RGSL1: variants seen among roughly 807,000 people sequenced by gnomAD.
The protein encoded by RGSL1 is regulator of G protein signaling like 1.
RGSL1 carries 97 observed loss-of-function variants against 124.7 expected under a neutral mutation model. The observed-to-expected ratio is 0.78, with a 90% confidence interval of 0.66 to 0.92. The LOEUF is 0.92. RGSL1 is among the 40% of genes least tolerant of loss of function. The pLI is 0.00. For synonymous variants in RGSL1, 424 were observed against 438.1 expected (o/e 0.97, Z 0.40); for missense variants, 1,233 against 1,288.4 (o/e 0.96, Z 0.66).
At chr1:182,532,897 AGTC>A in intron 14 of RGSL1, 106 bp downstream of exon 14, 1 of 1,312,734 alleles carries the variant, frequency 7.6e-7, no homozygotes, top group African/African-American at 1.5e-5. Context: ...GGCAGCCTGG[AGTC>A]TAGCAAAAAA....
intron 6 of RGSL1, among the ~76,000 whole-genome samples, chr1:182,486,374 G>C (rs186538774): frequency 6.1e-5 from 9 of 148,676 alleles, no homozygotes; most frequent in African/African-American, 1.7e-4. Flanking sequence ...GCAGTAGCAC[G>C]ATCTTGGTTC....
chr1:182,494,600 T>C (rs140210949), intron 9 of RGSL1, among the ~76,000 whole-genome samples: 178 of 152,324 alleles, frequency 1.2e-3, no homozygotes, highest in Admixed American at 4.3e-3. Flanking sequence ...GGTATAAAGA[T>C]GACAAATTTC....
intron 11 of RGSL1, 33 bp downstream of exon 11, chr1:182,527,805 T>C: frequency 1.3e-6 from 2 of 1,511,618 alleles, no homozygotes; most frequent in South Asian, 1.3e-5. Context: ...GTTTTCTCTC[T>C]CTCTTTAGTG....
intron 9 of RGSL1, among the ~76,000 whole-genome samples, chr1:182,514,363 C>T (rs1657700715): frequency 6.6e-6 from 1 of 152,184 alleles, no homozygotes; most frequent in African/African-American, 2.4e-5. Flanking sequence ...ACTGGTACTG[C>T]TTCTCTTTCA....
chr1:182,479,084 T>G (rs567490920), intron 6 of RGSL1, among the ~76,000 whole-genome samples: 4 of 152,166 alleles, frequency 2.6e-5, no homozygotes, highest in African/African-American at 9.6e-5. Context: ...TTACAAAAAG[T>G]GCTAAAGGAA....
At chr1:182,517,474 G>A (rs994688047) in intron 9 of RGSL1, among the ~76,000 whole-genome samples, 1 of 151,700 alleles carries the variant, frequency 6.6e-6, no homozygotes, top group African/African-American at 2.4e-5. Flanking sequence ...TCTATCCCTT[G>A]CTCTTGCTCG....
At chr1:182,526,394 A>G (rs1055160925) in intron 10 of RGSL1, among the ~76,000 whole-genome samples, 1 of 152,150 alleles carries the variant, frequency 6.6e-6, no homozygotes, top group African/African-American at 2.4e-5. Flanking sequence ...GTGGCCAGGC[A>G]TGGTGGCTCA....
rs960231719 is a variant in RGSL1, at chr1:182,556,028, A to T, written c.3202A>T (p.Lys1068Ter). 2 of 1,551,490 alleles carry T rather than the reference A, an allele frequency of 1.3e-6. No homozygotes were observed. Among genetic ancestry groups the T allele is most frequent in the Non-Finnish European group, 1.7e-6 (2 of 1,146,772 alleles). Reference protein sequence around the residue: ...AMQLHPVQGQKLSYIKKEK With the variant: ...AMQLHPVQGQ ...GGCTGTTTTCTCTCCCTTCAGACAA[A>T]AATTATCCTACATCAAAAAAGAGAA... Residue 1068 changes from lysine to a stop codon, truncating the protein, a stop_gained, in exon 21 of 22, where the codon AAA becomes TAA. Coordinates refer to ENST00000294854, the MANE Select transcript of RGSL1 (RefSeq NM_001137669.2). LOFTEE classifies it high-confidence loss of function.
chr1:182,540,461 C>T (rs1280086146), intron 15 of RGSL1, 40 bp downstream of exon 15: 2 of 1,523,466 alleles, frequency 1.3e-6, no homozygotes, highest in Admixed American at 2.0e-5. Flanking sequence ...CTGAAAATGA[C>T]TTTTCATCCT....
chr1:182,450,061 C>T, upstream of RGSL1: 4 of 1,334,676 alleles, frequency 3.0e-6, no homozygotes, highest in South Asian at 3.8e-5. Flanking sequence ...GAATCTGGAA[C>T]CCCTTAGAGA....
intron 9 of RGSL1, among the ~76,000 whole-genome samples, chr1:182,515,379 G>C (rs1458890705): frequency 6.6e-6 from 1 of 151,988 alleles, no homozygotes; most frequent in African/African-American, 2.4e-5. Context: ...GCCTGGAATC[G>C]AGTTTGGGAC....
At chr1:182,520,038 T>G (rs1658216036) in intron 9 of RGSL1, among the ~76,000 whole-genome samples, 1 of 152,196 alleles carries the variant, frequency 6.6e-6, no homozygotes, top group African/African-American at 2.4e-5. Flanking sequence ...TTTTCCCCCC[T>G]TGGTTTTTGG....
chr1:182,466,539 G>C (rs266516), intron 4 of RGSL1, among the ~76,000 whole-genome samples: 13,049 of 152,036 alleles, frequency 0.086, 760 homozygotes, highest in East Asian at 0.26. Context: ...CGCTTACAAT[G>C]AACAACCTGA....
At chr1:182,488,614 T>C (rs888416366) in intron 7 of RGSL1, 12 of 396,032 alleles carry the variant, frequency 3.0e-5, no homozygotes, top group Non-Finnish European at 4.6e-5. Flanking sequence ...TAGTCCCAGC[T>C]ACTTGGGAGG....
chr1:182,523,334 C>G (rs1051158857), intron 10 of RGSL1, among the ~76,000 whole-genome samples: 1 of 151,964 alleles, frequency 6.6e-6, no homozygotes, highest in Non-Finnish European at 1.5e-5. Flanking sequence ...TGTACCCAGC[C>G]AAGAATGTTT....
In RGSL1 at chr1:182,460,102, G is replaced by C. The variant is rs957843436; in HGVS notation, c.270G>C (p.Glu90Asp). The change falls in exon 4 of 22, where the codon GAG (glutamate) becomes GAC (aspartate). Residue 90 changes from glutamate to aspartate, a missense_variant. Transcript: ENST00000294854. The part of the protein sequence containing the change: ...NLCFHYILCQ[E>D]FISFIKSPEG... The stretch of plus-strand genomic sequence containing the variant: ...GTTTCCATTACATTCTCTGTCAGGA[G>C]TTCATCAGTTTCATTAAGTCCCCAG... 2 of 1,551,520 alleles carry C rather than the reference G, an allele frequency of 1.3e-6. No individual in the cohort carries two copies. The highest frequency in any genetic ancestry group is 3.9e-5 in the Admixed American group (2 of 50,966).
chr1:182,516,902 T>TTC (rs1441058098), intron 9 of RGSL1, among the ~76,000 whole-genome samples: 1 of 152,206 alleles, frequency 6.6e-6, no homozygotes, highest in East Asian at 1.9e-4. Context: ...TATTAGAGTA[T>TTC]TCTGGGTTTG....
rs763637215 is a variant in RGSL1, at chr1:182,472,554, A to G, written c.460A>G (p.Ile154Val). The stretch of plus-strand genomic sequence containing the variant: ...GGTGGTAACCCTCTGTAACATGAAC[A>G]TCAGTAAGAATTATAAAGCATCTTT... Reference protein sequence around the residue: ...SRVVTLCNMNIKSLLNLSIWH... With the variant: ...SRVVTLCNMNVKSLLNLSIWH... Residue 154 changes from isoleucine (I) to valine (V), a missense_variant, in exon 5 of 22, where the codon ATC (isoleucine) becomes GTC (valine). Ile to Val is a conservative substitution (Grantham distance 29, BLOSUM62 3). Transcript: ENST00000294854. 6.6e-7 allele frequency: 1 copy of G among 1,523,654 alleles called. No homozygotes were observed. Among genetic ancestry groups the G allele is most frequent in the South Asian group, 1.2e-5 (1 of 80,310 alleles). 94.4% of individuals were successfully genotyped at this position (1,523,654 alleles called of 1,614,324 possible).
At chr1:182,469,875 G>A (rs1653678460) in intron 4 of RGSL1, among the ~76,000 whole-genome samples, 1 of 152,110 alleles carries the variant, frequency 6.6e-6, no homozygotes, top group Non-Finnish European at 1.5e-5. Context: ...AATAAATCCT[G>A]AAGACATGCT....
Sources: gnomAD v4.1 joint callset for allele counts (sites outside exome capture counted in the v4.1 genomes callset) on GRCh38, gnomAD v4.1.1 for gene constraint, MANE v1.5 for transcripts, NCBI Gene and HGNC (gene_info 2026-07-23, HGNC 2026-07-21) for gene names.